The following TTC28 variants were observed in gnomAD, a reference collection of about 807,000 sequenced individuals.
TTC28 encodes the protein tetratricopeptide repeat protein 28.
In TTC28, 61 loss-of-function variants were observed where a neutral mutation model predicts 198.0. The observed-to-expected ratio is 0.31, with a 90% CI of 0.25 to 0.38. TTC28 has a LOEUF of 0.38. Ranked by LOEUF, TTC28 falls within the 10% of genes least tolerant of loss-of-function variation. The pLI is 1.00. For synonymous variants in TTC28, 1,171 were observed against 1,297.8 expected, an observed-to-expected ratio of 0.90 and a Z score of 2.10; for missense variants, 2,678 against 3,164.0, an observed-to-expected ratio of 0.85 and a Z score of 3.69.
rs1942343873 is a variant in TTC28, at chr22:28,107,510, G to C, written c.2335C>G (p.Gln779Glu). 6.4e-7 allele frequency: 1 copy of C among 1,551,670 alleles called. No individual in the cohort carries two copies. The highest frequency in any genetic ancestry group is 1.4e-5 in the African/African-American group (1 of 73,034). ...KYDKALGYHT[Q>E]ELEVYQELSD... is the part of the protein sequence containing the mutation. ...AGCTCCTGATATACCTCCAGTTCCT[G>C]TGTGTGATAACCCAGGGCCTTGTCA... Residue 779 changes from glutamine to glutamate, a missense_variant, in exon 7 of 23, where the codon CAG (glutamine) becomes GAG (glutamate). Gln to Glu is a conservative substitution (Grantham distance 29). Coordinates refer to ENST00000397906, the MANE Select transcript of TTC28 (RefSeq NM_001145418.2).
At chr22:28,361,550 G>T (rs915688493) in intron 2 of TTC28, among the ~76,000 whole-genome samples, 1 of 152,144 alleles carries the variant, frequency 6.6e-6, no homozygotes, top group African/African-American at 2.4e-5. Flanking sequence ...GAAAAAAGCT[G>T]TCTCTAAAAC....
intron 14 of TTC28, chr22:28,007,996 G>A (rs1368542863): frequency 2.0e-5 from 3 of 152,190 alleles, no homozygotes; most frequent in East Asian, 1.9e-4. Context: ...TAGACAGCCT[G>A]GTGGTGGGGC....
chr22:28,328,571 C>T (rs1444879322), intron 2 of TTC28, among the ~76,000 whole-genome samples: 2 of 151,384 alleles, frequency 1.3e-5, no homozygotes, highest in Non-Finnish European at 2.9e-5. Flanking sequence ...CTGGCCAACC[C>T]GGTGAAACCA....
At chr22:28,460,614 GATAGATAGA>G (rs2047935295) in intron 2 of TTC28, among the ~76,000 whole-genome samples, 2 of 5,472 alleles carry the variant, frequency 3.7e-4, no homozygotes, top group Admixed American at 2.5e-3. Context: ...ATGGTAGATA[GATAGATAGA>G]TAGATAGATA....
intron 2 of TTC28, among the ~76,000 whole-genome samples, chr22:28,385,687 A>C (rs564704410): frequency 6.6e-6 from 1 of 152,192 alleles, no homozygotes; most frequent in Non-Finnish European, 1.5e-5. Flanking sequence ...CATGCCTCAA[A>C]ATTTTAACTG....
chr22:28,422,500 G>A (rs1413020256), intron 2 of TTC28, among the ~76,000 whole-genome samples: 1 of 151,192 alleles, frequency 6.6e-6, no homozygotes, highest in Non-Finnish European at 1.5e-5. Flanking sequence ...GTGCAGTGGC[G>A]CGATCTCGGT....
At chr22:28,561,267 G>A (rs752824044) in intron 2 of TTC28, among the ~76,000 whole-genome samples, 3 of 148,716 alleles carry the variant, frequency 2.0e-5, no homozygotes, top group African/African-American at 5.0e-5. Flanking sequence ...TAGTAGAGAC[G>A]GGGTTTCACC....
Position 28,183,050 on chromosome 22 carries a change from C to CT in TTC28, c.934-19452dup, listed in dbSNP as rs71316833. On this transcript the variant is annotated intron_variant, in intron 5 of 22. Coordinates refer to ENST00000397906, the MANE Select transcript of TTC28 (RefSeq NM_001145418.2). The stretch of plus-strand genomic sequence containing the variant: ...ACTTAGCAATAAACCCCTTCAATGT[C>CT]TTTTTTTTTTTTTTTTAAATGTTGT... 2.7e-3 allele frequency among the ~76,000 whole-genome samples: 383 copies of CT among 142,008 alleles called. 1 individual carries two copies. Among genetic ancestry groups the CT allele is most frequent in the African/African-American group, 4.8e-3 (184 of 38,678 alleles). The allele number at this position is 142,008 out of a possible 152,430, so 93.2% of individuals were successfully genotyped here.
At chr22:28,293,103 T>C (rs1263648418) in intron 5 of TTC28, among the ~76,000 whole-genome samples, 3 of 152,192 alleles carry the variant, frequency 2.0e-5, no homozygotes, top group South Asian at 2.1e-4. Context: ...CAGTAAAACA[T>C]GGGCAGGTAA....
chr22:27,991,026 G>A (rs1227729257), intron 19 of TTC28, among the ~76,000 whole-genome samples: 1 of 152,156 alleles, frequency 6.6e-6, no homozygotes, highest in African/African-American at 2.4e-5. Context: ...GCGGATCCAG[G>A]GGCTCAGGGG....
At chr22:28,137,875 C>G (rs1943236481) in intron 6 of TTC28, among the ~76,000 whole-genome samples, 2 of 152,172 alleles carry the variant, frequency 1.3e-5, no homozygotes, top group Admixed American at 1.3e-4. Flanking sequence ...ATCAGCAGAG[C>G]ATAGTGGTGG....
chr22:28,228,437 T>C (rs28701638), intron 5 of TTC28, among the ~76,000 whole-genome samples: 29,459 of 152,174 alleles, frequency 0.19, 3,310 homozygotes, highest in African/African-American at 0.3. Context: ...CGGTAGCTCA[T>C]GCCTGTAATC....
In TTC28 at chr22:27,989,775, A is replaced by C. The variant is rs567533073; in HGVS notation, c.5707+103T>G. 2.9e-6 allele frequency: 4 copies of C among 1,398,020 alleles called. No individual in the cohort carries two copies. The South Asian group carries it at 5.7e-5, about 20-fold the overall frequency. 86.6% of individuals were successfully genotyped at this position (1,398,020 alleles called of 1,614,324 possible). A position where few individuals can be genotyped will look rare whatever the true frequency, so the allele number is the denominator to read the frequency against. On this transcript the variant is annotated intron_variant, in intron 21 of 22. Coordinates refer to ENST00000397906, the MANE Select transcript of TTC28 (RefSeq NM_001145418.2). ...GTTAACTGTTTTAAGATAATATTTTAAGAAGACACTGAGATACTTTGCCCA... is the reference window on the plus strand; with the variant it reads ...GTTAACTGTTTTAAGATAATATTTTCAGAAGACACTGAGATACTTTGCCCA...
intron 2 of TTC28, among the ~76,000 whole-genome samples, chr22:28,396,911 G>A (rs1043700921): frequency 3.3e-5 from 5 of 152,056 alleles, no homozygotes; most frequent in Admixed American, 2.0e-4. Context: ...TTCTGTCCCT[G>A]CTCCCCATCC....
rs1391679781 is a variant in TTC28, at chr22:28,107,637, G to T, written c.2208C>A (p.Phe736Leu). The T allele has an allele frequency of 3.9e-6, 6 of 1,551,742 alleles. No individual in the cohort carries two copies. Among genetic ancestry groups the T allele is most frequent in the Admixed American group, 2.0e-5 (1 of 51,006 alleles). The change falls in exon 7 of 23, where the codon TTC becomes TTA. Residue 736 changes from phenylalanine to leucine, a missense_variant. Transcript: ENST00000397906. ...CKKDINGAIK[F>L]YEQQLGLAHQ... ...GAGCTAAGCCCAGTTGCTGCTCATA[G>T]AATTTTATTGCACCATTTATATCTT...
intron 12 of TTC28, among the ~76,000 whole-genome samples, chr22:28,031,054 T>C (rs1939055010): frequency 6.6e-6 from 1 of 152,202 alleles, no homozygotes; most frequent in African/African-American, 2.4e-5. Flanking sequence ...TAACAGAACA[T>C]CCCACAATGT....
At chr22:28,197,739 G>A (rs1925520859) in intron 5 of TTC28, among the ~76,000 whole-genome samples, 1 of 152,084 alleles carries the variant, frequency 6.6e-6, no homozygotes, top group African/African-American at 2.4e-5. Context: ...AACAGTGTGG[G>A]TGTGCTGGCT....
chr22:28,349,181 GCA>G (rs149420278), intron 2 of TTC28, among the ~76,000 whole-genome samples: 16 of 151,144 alleles, frequency 1.1e-4, no homozygotes, highest in Admixed American at 2.0e-4. Context: ...GCATGTGCAC[GCA>G]CACACACACA....
intron 5 of TTC28, among the ~76,000 whole-genome samples, chr22:28,264,086 A>C (rs1220611333): frequency 4.6e-5 from 7 of 152,172 alleles, no homozygotes; most frequent in Non-Finnish European, 8.8e-5. Flanking sequence ...CTGTGTCGCC[A>C]GCCAAATCTC....
Sources: allele counts gnomAD v4.1 joint callset (sites outside exome capture counted in the v4.1 genomes callset), GRCh38; gene constraint gnomAD v4.1.1; transcripts MANE v1.5; gene names NCBI Gene and HGNC (gene_info 2026-07-23, HGNC 2026-07-21).